The following CYP2A6 variants were observed in gnomAD, a reference collection of about 807,000 sequenced individuals.
The protein encoded by CYP2A6 is cytochrome P450 2A6.
A neutral mutation model predicts 42.3 loss-of-function variants in CYP2A6; 27 were observed. The ratio of observed to expected loss-of-function variants is 0.64; its 90% confidence interval spans 0.47 to 0.88. CYP2A6 has a LOEUF of 0.88. CYP2A6 is among the 40% of genes least tolerant of loss of function. The probability of loss-of-function intolerance (pLI) is 0.00; values close to 1 mark genes in which losing one functional copy is unlikely to be tolerated. For missense variants in CYP2A6, 628 were observed against 646.0 expected, an observed-to-expected ratio of 0.97 and a Z score of 0.30; for synonymous variants, 238 against 246.3, an observed-to-expected ratio of 0.97 and a Z score of 0.31.
chr19:40,845,079 G>A, intron 7 of CYP2A6: 1 of 666,468 alleles, frequency 1.5e-6, no homozygotes, highest in Non-Finnish European at 2.5e-6. Flanking sequence ...TTGGGAACAT[G>A]TGTTTGATTC....
chr19:40,844,192 A>G (rs2083444394), intron 8 of CYP2A6, among the ~76,000 whole-genome samples: 1 of 151,044 alleles, frequency 6.6e-6, no homozygotes, highest in Non-Finnish European at 1.5e-5. Flanking sequence ...TATTACTAAC[A>G]AAGTCCATAG....
intron 2 of CYP2A6, among the ~76,000 whole-genome samples, chr19:40,848,989 A>G (rs1033191887): frequency 4.1e-5 from 4 of 97,352 alleles, no homozygotes; most frequent in Admixed American, 1.1e-4. Flanking sequence ...GAGAGAGAGG[A>G]GAGAGAGAGA....
chr19:40,846,299 A>G (rs1025675991), intron 5 of CYP2A6, among the ~76,000 whole-genome samples: 1 of 148,228 alleles, frequency 6.7e-6, no homozygotes, highest in African/African-American at 2.5e-5. Context: ...CACCTTCTTT[A>G]CCTTGCTGAC....
intron 4 of CYP2A6, 97 bp downstream of exon 4, chr19:40,848,122 C>G: frequency 6.4e-7 from 1 of 1,570,886 alleles, no homozygotes; most frequent in Non-Finnish European, 8.6e-7. Context: ...GGGACACTGT[C>G]TGGAGGGCGG....
intron 2 of CYP2A6, 56 bp from the exon 3 acceptor site, chr19:40,848,819 G>T: frequency 1.3e-6 from 2 of 1,560,710 alleles, no homozygotes; most frequent in South Asian, 2.3e-5. Flanking sequence ...GGGCAGGAGC[G>T]GAGCAGCTCC....
In CYP2A6 at chr19:40,848,999, AGAGAGAGAGAGAAGAGAGAGAG is replaced by A. The variant is rs1568516050; in HGVS notation, c.344-258_344-237del. ...GAGAAGAGAGAGAGGAGAGAGAGAG[AGAGAGAGAGAGAAGAGAGAGAG>A]GAGAGAGAGAGAGAAGAGAGAGAGG... On this transcript the variant is annotated intron_variant, in intron 2 of 8. Transcript: ENST00000301141. Among the ~76,000 whole-genome samples the A allele has an allele frequency of 3.9e-3, 450 of 116,000 alleles. 6 individuals carry two copies. The highest frequency in any genetic ancestry group is 5.0e-3 in the Non-Finnish European group (288 of 57,522). The allele number at this position is 116,000 out of a possible 152,430, so 76.1% of individuals were successfully genotyped here.
Position 40,847,033 on chromosome 19 carries a change from A to G in CYP2A6, c.673T>C (p.Ser225Pro). The change falls in exon 5 of 9, where the codon TCG (serine) becomes CCG (proline). Residue 225 changes from serine (S) to proline (P), a missense_variant. Around this residue, in one of 2 missense-constraint regions of CYP2A6, gnomAD observed 606 missense variants for 568.1 expected, o/e 1.07. Coordinates refer to ENST00000301141, the MANE Select transcript of CYP2A6 (RefSeq NM_000762.6). ...STGQLYEMFSSVMKHLPGPQQ... is the reference protein window; with the variant it reads ...STGQLYEMFSPVMKHLPGPQQ... ...GGTCCTGGCAGGTGTTTCATCACCG[A>G]AGAGAACATCTCATAGAGCTGGGGT... 6.2e-7 allele frequency: 1 copy of G among 1,611,714 alleles called. No individual in the cohort carries two copies. The highest frequency in any genetic ancestry group is 8.5e-7 in the Non-Finnish European group (1 of 1,179,728).
In CYP2A6 at chr19:40,844,730, G is replaced by A. The variant is rs768255106; in HGVS notation, c.1204C>T (p.Pro402Ser). ...YPMLGSVLRD[P>S]SFFSNPQDFN... ...TCCTGGGGGTTGGAGAAGAAACTGGGGTCTCTCAGCACAGAGCCCAGCATA... is the reference window on the plus strand; with the variant it reads ...TCCTGGGGGTTGGAGAAGAAACTGGAGTCTCTCAGCACAGAGCCCAGCATA... Residue 402 changes from proline (P) to serine (S), a missense_variant, in exon 8 of 9, where the codon CCC (proline) becomes TCC (serine). By Grantham distance (74) the Pro-to-Ser change is moderately conservative (BLOSUM62 -1). Transcript: ENST00000301141. 6.2e-7 allele frequency: 1 copy of A among 1,611,696 alleles called. No homozygotes were observed. The highest frequency in any genetic ancestry group is 2.3e-5 in the East Asian group (1 of 43,384).
Position 40,845,609 on chromosome 19 carries a change from G to T in CYP2A6, c.974-128C>A. 2.1e-6 allele frequency: 3 copies of T among 1,432,334 alleles called. 1 individual carries two copies. The South Asian group carries it at 4.1e-5, about 20-fold the overall frequency. 88.7% of individuals were successfully genotyped at this position (1,432,334 alleles called of 1,614,324 possible). A position where few individuals can be genotyped will look rare whatever the true frequency, so the allele number is the denominator to read the frequency against. On this transcript the variant is annotated intron_variant, in intron 6 of 8. Transcript: ENST00000301141. ...AGACGGAAGTAGAGCATTCATAACA[G>T]AACAGACATCAGCCATTCGCATTGT...
At chr19:40,846,828 C>G in intron 5 of CYP2A6, 47 bp downstream of exon 5, 1 of 1,601,642 alleles carries the variant, frequency 6.2e-7, no homozygotes, top group Non-Finnish European at 8.5e-7. Context: ...AGACTGATTT[C>G]CCTCTGCCTG....
Position 40,843,714 on chromosome 19 carries a change from C to G in CYP2A6, c.*82G>C. 1 of 1,348,592 alleles carries G rather than the reference C, an allele frequency of 7.4e-7. No individual in the cohort carries two copies. The highest frequency in any genetic ancestry group is 1.4e-5 in the South Asian group (1 of 73,770). 83.5% of individuals were successfully genotyped at this position (1,348,592 alleles called of 1,614,324 possible). A position where few individuals can be genotyped will look rare whatever the true frequency, so the allele number is the denominator to read the frequency against. On this transcript the variant is annotated 3_prime_UTR_variant, in exon 9 of 9. Transcript: ENST00000301141. The stretch of plus-strand genomic sequence containing the variant: ...TCCGCCATCCTGCCCCCAGTCTTAG[C>G]TGCGCCCCTCTCCCAAGCCCGGTCT...
Position 40,848,661 on chromosome 19 carries a change from A to T in CYP2A6, c.446T>A (p.Ile149Asn), listed in dbSNP as rs1447677434. ...GATGAGGAAGCCCGCCTCCTCCTGG[A>T]TGCGCTCCTCGATGCCTCGCTTGCC... ...GVGKRGIEERIQEEAGFLIDA... is the reference protein window; with the variant it reads ...GVGKRGIEERNQEEAGFLIDA... The change falls in exon 3 of 9, where the codon ATC becomes AAC. Residue 149 changes from isoleucine (I) to asparagine (N), a missense_variant. Around this residue, in one of 2 missense-constraint regions of CYP2A6, gnomAD observed 606 missense variants for 568.1 expected, o/e 1.07. Transcript: ENST00000301141. The T allele has an allele frequency of 6.2e-7, 1 of 1,611,822 alleles. No individual in the cohort carries two copies. Among genetic ancestry groups the T allele is most frequent in the Non-Finnish European group, 8.5e-7 (1 of 1,179,900 alleles).
intron 8 of CYP2A6, among the ~76,000 whole-genome samples, chr19:40,844,253 G>A (rs951314220): frequency 6.6e-6 from 1 of 151,224 alleles, no homozygotes; most frequent in Non-Finnish European, 1.5e-5. Flanking sequence ...TTTTGAAAAA[G>A]GCATAATGTC....
At chr19:40,849,012 A>AG (rs1967164135) in intron 2 of CYP2A6, among the ~76,000 whole-genome samples, 1 of 49,346 alleles carries the variant, frequency 2.0e-5, no homozygotes. Context: ...GAGAGAGAGA[A>AG]GAGAGAGAGG....
chr19:40,845,449 C>T lies in CYP2A6; in HGVS notation c.1006G>A (p.Gly336Ser), dbSNP rs374200109. Residue 336 changes from glycine (G) to serine (S), a missense_variant, in exon 7 of 9, where the codon GGC becomes AGC. By Grantham distance (56) the Gly-to-Ser change is moderately conservative. Around this residue, in one of 2 missense-constraint regions of CYP2A6, gnomAD observed 606 missense variants for 568.1 expected, o/e 1.07. Coordinates refer to ENST00000301141, the MANE Select transcript of CYP2A6 (RefSeq NM_000762.6). The part of the protein sequence containing the change: ...KVHEEIDRVI[G>S]KNRQPKFEDR... ...TCAAACTTGGGCTGCCGGTTCTTGC[C>T]GATCACTCTGTCAATCTCCTCATGG... 3.0e-5 allele frequency: 49 copies of T among 1,611,610 alleles called. No individual in the cohort carries two copies. The highest frequency in any genetic ancestry group is 2.3e-5 in the East Asian group (1 of 43,418).
chr19:40,849,021 G>GGAGAGAGAGAGAGAGA (rs1193510304), intron 2 of CYP2A6, among the ~76,000 whole-genome samples: 5 of 50,118 alleles, frequency 1.0e-4, no homozygotes, highest in Non-Finnish European at 1.1e-4. Flanking sequence ...AAGAGAGAGA[G>GGAGAGAGAGAGAGAGA]GAGAGAGAGA....
chr19:40,844,656 A>T lies in CYP2A6; in HGVS notation c.1278T>A (p.Ser426Arg). 6.2e-7 allele frequency: 1 copy of T among 1,611,306 alleles called. No homozygotes were observed. Among genetic ancestry groups the T allele is most frequent in the Non-Finnish European group, 8.5e-7 (1 of 1,179,796 alleles). Residue 426 changes from serine to arginine, a missense_variant, in exon 8 of 9, where the codon AGT becomes AGA. Physicochemically the swap from Ser to Arg is moderately radical, Grantham distance 110. Around this residue, in one of 2 missense-constraint regions of CYP2A6, gnomAD observed 606 missense variants for 568.1 expected, o/e 1.07. Coordinates refer to ENST00000301141, the MANE Select transcript of CYP2A6 (RefSeq NM_000762.6). Reference sequence around the variant, plus strand: ...CGATGGAAAAGGGCACAAAAGCATCACTCTTCTTAAACTGCCCCTTCTCAT... The same window carrying T: ...CGATGGAAAAGGGCACAAAAGCATCTCTCTTCTTAAACTGCCCCTTCTCAT... ...FLNEKGQFKK[S>R]DAFVPFSIGK... is the part of the protein sequence containing the mutation.
At chr19:40,844,508 G>A in intron 8 of CYP2A6, 123 bp downstream of exon 8, 1 of 1,547,182 alleles carries the variant, frequency 6.5e-7, no homozygotes, top group South Asian at 1.1e-5. Context: ...TGGCTCAAGG[G>A]TAGATTCTAA....
chr19:40,849,208 AAG>A (rs1967177378), intron 2 of CYP2A6, among the ~76,000 whole-genome samples: 1 of 150,780 alleles, frequency 6.6e-6, no homozygotes, highest in Non-Finnish European at 1.5e-5. Context: ...TGGGGAGAGA[AAG>A]AGAGTGATGG....
Sources: gnomAD v4.1 joint callset for allele counts (sites outside exome capture counted in the v4.1 genomes callset) on GRCh38, gnomAD v4.1.1 for gene constraint, gnomAD v4.1.1 regional missense constraint, MANE v1.5 for transcripts, NCBI Gene and HGNC (gene_info 2026-07-23, HGNC 2026-07-21) for gene names.